Variants in IGDCC4 observed in about 807,000 individuals in gnomAD.
IGDCC4 encodes the protein likely ortholog of mouse neighbor of Punc E11.
In IGDCC4, 72 loss-of-function variants were observed where a neutral mutation model predicts 116.6. The ratio of observed to expected loss-of-function variants is 0.62; its 90% CI spans 0.51 to 0.75. IGDCC4 has a LOEUF of 0.75. IGDCC4 is among the 30% of genes least tolerant of loss of function. The pLI is 0.00. For synonymous variants in IGDCC4, 709 were observed against 719.9 expected, an observed-to-expected ratio of 0.98 and a Z score of 0.24; for missense variants, 1,501 against 1,662.4, an observed-to-expected ratio of 0.90 and a Z score of 1.69.
intron 12 of IGDCC4, 69 bp from the exon 13 acceptor site, chr15:65,390,407 T>A: frequency 7.6e-7 from 1 of 1,322,772 alleles, no homozygotes. Flanking sequence ...TATAGTGGTT[T>A]ACAGTTCCCA....
chr15:65,416,757 A>G (rs1444617236), intron 1 of IGDCC4, among the ~76,000 whole-genome samples: 1 of 152,042 alleles, frequency 6.6e-6, no homozygotes, highest in African/African-American at 2.4e-5. Flanking sequence ...CCTCAGTGAG[A>G]CCCTGTCAGA....
chr15:65,396,119 G>C lies in IGDCC4; in HGVS notation c.1042C>G (p.Arg348Gly). The C allele has an allele frequency of 6.9e-7, 1 of 1,452,914 alleles. No homozygotes were observed. Among genetic ancestry groups the C allele is most frequent in the Non-Finnish European group, 9.0e-7 (1 of 1,109,696 alleles). 90.0% of individuals were successfully genotyped at this position (1,452,914 alleles called of 1,614,324 possible). Reference protein sequence around the residue: ...TQAPEALSRTRASTARFVCRA... With the variant: ...TQAPEALSRTGASTARFVCRA... ...CACACGAAGCGCGCTGTGCTCGCCCGCGTCCGCGACAGCGCCTCGGGCGCC... is the reference window on the plus strand; with the variant it reads ...CACACGAAGCGCGCTGTGCTCGCCCCCGTCCGCGACAGCGCCTCGGGCGCC... Residue 348 changes from arginine to glycine, a missense_variant, in exon 7 of 20, where the codon CGG (arginine) becomes GGG (glycine). Physicochemically the swap from Arg to Gly is moderately radical, Grantham distance 125. Transcript: ENST00000352385.
intron 1 of IGDCC4, among the ~76,000 whole-genome samples, chr15:65,421,063 G>A (rs2063185278): frequency 6.6e-6 from 1 of 152,194 alleles, no homozygotes; most frequent in South Asian, 2.1e-4. Context: ...TGACTCGACT[G>A]GAGTGTCCCC....
intron 6 of IGDCC4, chr15:65,396,418 C>A (rs1014160177): frequency 2.7e-5 from 18 of 655,800 alleles, no homozygotes; most frequent in Non-Finnish European, 5.0e-5. Context: ...TCAGCCTCCC[C>A]TAAATATTGC....
chr15:65,410,300 CAG>C lies in IGDCC4; in HGVS notation c.439_440del (p.Leu147AlafsTer16). 1 of 1,613,984 alleles carries C rather than the reference CAG, an allele frequency of 6.2e-7. No homozygotes were observed. The highest frequency in any genetic ancestry group is 8.5e-7 in the Non-Finnish European group (1 of 1,180,016). On this transcript the variant is annotated frameshift_variant, in exon 3 of 20. Coordinates refer to ENST00000352385, the MANE Select transcript of IGDCC4 (RefSeq NM_020962.3). LOFTEE classifies it high-confidence loss of function. Reference sequence around the variant, plus strand: ...CCTCCACCGTCTGAGACTCCGGGTGCAGAGAGAAGTCTGCGAGTGCTGGGGAC... The same window carrying C: ...CCTCCACCGTCTGAGACTCCGGGTGCAGAGAAGTCTGCGAGTGCTGGGGAC... ...VKLATLADFSLHPESQTVEEN... is the reference protein window; with the variant it reads ...VKLATLADFSXHPESQTVEEN...
At chr15:65,387,493 C>T (rs2091470977) in intron 16 of IGDCC4, among the ~76,000 whole-genome samples, 1 of 152,118 alleles carries the variant, frequency 6.6e-6, no homozygotes, top group African/African-American at 2.4e-5. Flanking sequence ...GGACTACAGG[C>T]ATCCACCACC....
intron 1 of IGDCC4, among the ~76,000 whole-genome samples, chr15:65,413,967 T>C (rs1408543271): frequency 6.6e-6 from 1 of 152,230 alleles, no homozygotes. Context: ...ATTCACGACA[T>C]GGACACACCT....
In IGDCC4 at chr15:65,410,182, G is replaced by C; in HGVS notation, c.559C>G (p.Pro187Ala). The change falls in exon 3 of 20, where the codon CCT (proline) becomes GCT (alanine). Residue 187 changes from proline to alanine, a missense_variant. Pro to Ala is a conservative substitution (Grantham distance 27). This residue lies in a region of IGDCC4 where 898 missense variants were observed against 978.9 expected (regional missense o/e 0.92). Transcript: ENST00000352385. ...GCTCCCCTACAGGGCACTCACCGAG[G>C]CTCCTCAGGCAATGTCACCTGGTCC... ...EKDQVTLPEE[P>A]RLIVLPNGVL... 6.2e-7 allele frequency: 1 copy of C among 1,612,814 alleles called. No homozygotes were observed. The highest frequency in any genetic ancestry group is 8.5e-7 in the Non-Finnish European group (1 of 1,179,992).
chr15:65,381,512 A>T lies in IGDCC4; in HGVS notation c.*2497T>A, dbSNP rs1215623461. The T allele has an allele frequency of 6.6e-6, 1 of 152,230 alleles. No individual in the cohort carries two copies. Among genetic ancestry groups the T allele is most frequent in the Non-Finnish European group, 1.5e-5 (1 of 68,040 alleles). The allele number at this position is 152,230 out of a possible 1,614,324, so 9.4% of individuals were successfully genotyped here. A position where few individuals can be genotyped will look rare whatever the true frequency, so the allele number is the denominator to read the frequency against. ...CTGGAAAATAGTTTATTAATTCATTATAAGGACAGATACATGAATCAATGC... is the reference window on the plus strand; with the variant it reads ...CTGGAAAATAGTTTATTAATTCATTTTAAGGACAGATACATGAATCAATGC... On this transcript the variant is annotated 3_prime_UTR_variant, in exon 20 of 20. Transcript: ENST00000352385.
At position 65,385,052 on chromosome 15, in the gene IGDCC4, G is replaced by C. The variant is rs776675071; in HGVS notation, c.3244C>G (p.Gln1082Glu). The C allele has an allele frequency of 3.4e-5, 54 of 1,603,612 alleles. No individual in the cohort carries two copies. The East Asian group carries it at 1.2e-3, about 36-fold the overall frequency. ...GTCAGAGCCGGCCGGGGGCCTGCCT[G>C]GGGCAGCTCACAGCCTGCCCAGGAA... ...AGSWAGCELP[Q>E]AGPRPALTRA... Residue 1082 changes from glutamine to glutamate, a missense_variant, in exon 19 of 20, where the codon CAG becomes GAG. Around this residue, in one of 3 missense-constraint regions of IGDCC4, gnomAD observed 368 missense variants for 355.6 expected, o/e 1.03. Coordinates refer to ENST00000352385, the MANE Select transcript of IGDCC4 (RefSeq NM_020962.3).
chr15:65,414,740 CAT>C (rs200948111), intron 1 of IGDCC4, among the ~76,000 whole-genome samples: 2,006 of 152,332 alleles, frequency 0.013, 31 homozygotes, highest in South Asian at 0.048. Flanking sequence ...CTCCTGGGTT[CAT>C]ATGATTCTCC....
In IGDCC4 at chr15:65,382,015, A is replaced by G. The variant is rs1005990767; in HGVS notation, c.*1994T>C. The G allele has an allele frequency of 2.0e-5, 3 of 152,612 alleles. No homozygotes were observed. Among genetic ancestry groups the G allele is most frequent in the Non-Finnish European group, 4.4e-5 (3 of 68,046 alleles). The allele number at this position is 152,612 out of a possible 1,614,324, so 9.5% of individuals were successfully genotyped here. On this transcript the variant is annotated 3_prime_UTR_variant, in exon 20 of 20. Coordinates refer to ENST00000352385, the MANE Select transcript of IGDCC4 (RefSeq NM_020962.3). ...TCAGTGCCTGTTAAACAAGAACATGAAAAATGACTATGTGGTATAATGCTA... is the reference window on the plus strand; with the variant it reads ...TCAGTGCCTGTTAAACAAGAACATGGAAAATGACTATGTGGTATAATGCTA...
intron 5 of IGDCC4, among the ~76,000 whole-genome samples, chr15:65,398,013 G>C (rs1468150022): frequency 1.3e-5 from 2 of 152,222 alleles, no homozygotes; most frequent in Admixed American, 1.3e-4. Context: ...TTTAAAGATA[G>C]AGAAATGCTT....
Position 65,402,463 on chromosome 15 carries a change from G to A in IGDCC4, c.588C>T (p.Val196=), listed in dbSNP as rs950581921. Residue 196 remains valine, a synonymous_variant, in exon 4 of 20, where the codon GTC becomes GTT. Coordinates refer to ENST00000352385, the MANE Select transcript of IGDCC4 (RefSeq NM_020962.3). ...TCTCCTGAACATCCAGGATCTGAAG[G>A]ACGCCGTTGGGAAGCACGATGAGCC... ...EPRLIVLPNG[V]LQILDVQESD... is the part of the protein sequence containing the mutation. 2 of 1,566,916 alleles carry A rather than the reference G, an allele frequency of 1.3e-6. No individual in the cohort carries two copies. Among genetic ancestry groups the A allele is most frequent in the African/African-American group, 2.7e-5 (2 of 74,186 alleles).
rs2062884695 is a variant in IGDCC4, at chr15:65,393,299, A to G, written c.1885+62T>C. ...CCAGGGGGTGGGGCGCTGGGTCCCA[A>G]GGACACACGCACACCCACACAGTCA... is the stretch of plus-strand genomic sequence containing the variant. On this transcript the variant is annotated intron_variant, in intron 10 of 19. Coordinates refer to ENST00000352385, the MANE Select transcript of IGDCC4 (RefSeq NM_020962.3). The surrounding 1 kb of genome is among the most constrained non-coding windows in gnomAD (Gnocchi z 4.6). 3 of 1,490,644 alleles carry G rather than the reference A, an allele frequency of 2.0e-6. No homozygotes were observed. In the African/African-American group the frequency reaches 4.2e-5, roughly 21 times the overall value. The allele number at this position is 1,490,644 out of a possible 1,614,324, so 92.3% of individuals were successfully genotyped here. A position where few individuals can be genotyped will look rare whatever the true frequency, so the allele number is the denominator to read the frequency against.
intron 18 of IGDCC4, chr15:65,385,515 C>G: frequency 1.8e-6 from 1 of 543,378 alleles, no homozygotes; most frequent in Non-Finnish European, 3.3e-6. Context: ...CTCTTCTCCC[C>G]ACACGGGGAT....
At chr15:65,385,690 G>A in intron 18 of IGDCC4, 141 bp downstream of exon 18, 1 of 753,916 alleles carries the variant, frequency 1.3e-6, no homozygotes, top group Non-Finnish European at 2.4e-6. Flanking sequence ...CAACCATTCC[G>A]TGGAGGAGGG....
intron 1 of IGDCC4, among the ~76,000 whole-genome samples, chr15:65,416,314 T>C (rs1296801318): frequency 6.6e-6 from 1 of 151,862 alleles, no homozygotes; most frequent in Non-Finnish European, 1.5e-5. Context: ...ATTTTTTGTA[T>C]TTTTAGTAGA....
At chr15:65,401,805 G>A (rs1033407496) in intron 4 of IGDCC4, among the ~76,000 whole-genome samples, 1 of 152,196 alleles carries the variant, frequency 6.6e-6, no homozygotes, top group Non-Finnish European at 1.5e-5. Context: ...AGAGAAGGCA[G>A]GATTCAAACC....
Sources: allele counts gnomAD v4.1 joint callset (sites outside exome capture counted in the v4.1 genomes callset), GRCh38; gene constraint gnomAD v4.1.1; regional missense constraint gnomAD v4.1.1; non-coding constraint Gnocchi (gnomAD v3.1); transcripts MANE v1.5; gene names NCBI Gene and HGNC (gene_info 2026-07-23, HGNC 2026-07-21).